The following SUFU variants were observed in gnomAD, a reference collection of about 807,000 sequenced individuals.
The protein encoded by SUFU is SUFU negative regulator of hedgehog signaling, also known as suppressor of fused homolog.
Under a neutral mutation model 58.9 loss-of-function variants are expected in SUFU, and 7 were observed. The ratio of observed to expected loss-of-function variants is 0.12; its 90% CI spans 0.07 to 0.22. The LOEUF is 0.22. Among genes scored for constraint, SUFU ranks in the 10% least tolerant of loss-of-function variants. The probability of loss-of-function intolerance (pLI) is 1.00; values close to 1 mark genes in which losing one functional copy is unlikely to be tolerated. For missense variants in SUFU, 451 were observed against 641.3 expected (o/e 0.70, Z 3.20); for synonymous variants, 232 against 254.8 (o/e 0.91, Z 0.85).
intron 11 of SUFU, among the ~76,000 whole-genome samples, chr10:102,627,507 G>A (rs1019771801): frequency 3.3e-5 from 5 of 152,220 alleles, no homozygotes; most frequent in African/African-American, 1.2e-4. Flanking sequence ...CCAGCAAATC[G>A]TCTGAATTGC....
At chr10:102,507,078 A>G (rs530746266) in intron 1 of SUFU, among the ~76,000 whole-genome samples, 19 of 152,298 alleles carry the variant, frequency 1.2e-4, no homozygotes, top group African/African-American at 4.6e-4. Context: ...ATTTTTTTCC[A>G]CATACTCATC....
intron 2 of SUFU, among the ~76,000 whole-genome samples, chr10:102,515,310 C>G (rs904234863): frequency 6.7e-6 from 1 of 148,628 alleles, no homozygotes; most frequent in South Asian, 2.1e-4. Flanking sequence ...CTTAGTTTGC[C>G]GGAACTTTTT....
chr10:102,547,592 C>T (rs1040500661), intron 2 of SUFU, among the ~76,000 whole-genome samples: 5 of 152,032 alleles, frequency 3.3e-5, no homozygotes, highest in Admixed American at 6.6e-5. Context: ...GAGGCCAAGG[C>T]GGGAGGATTA....
chr10:102,581,411 C>T (rs1333767194), intron 3 of SUFU, among the ~76,000 whole-genome samples: 2 of 152,126 alleles, frequency 1.3e-5, no homozygotes, highest in Non-Finnish European at 2.9e-5. Flanking sequence ...AGATTTTCTC[C>T]TCCTCTCACT....
At chr10:102,591,482 G>A (rs1248737491) in intron 3 of SUFU, 3 of 140,930 alleles carry the variant, frequency 2.1e-5, no homozygotes, top group African/African-American at 5.4e-5. Context: ...CCTGGCAACA[G>A]AGCGAGACTC....
At chr10:102,610,343 A>G (rs909756256) in intron 8 of SUFU, among the ~76,000 whole-genome samples, 2 of 149,122 alleles carry the variant, frequency 1.3e-5, no homozygotes, top group African/African-American at 5.0e-5. Flanking sequence ...CAGTGAGCCG[A>G]GATCACACCA....
Position 102,617,732 on chromosome 10 carries a change from AC to A in SUFU, c.1296+305del. ...GAAATCCAGGTTGGAGGGATATAAG[AC>A]TTTCTGCACCTTGGGTAAACCAAGG... On this transcript the variant is annotated intron_variant, in intron 10 of 11. Transcript: ENST00000369902. The surrounding 1 kb of genome is among the most constrained non-coding windows in gnomAD (Gnocchi z 4.4). 1.7e-6 allele frequency: 1 copy of A among 579,396 alleles called. No individual in the cohort carries two copies. The highest frequency in any genetic ancestry group is 2.4e-5 in the South Asian group (1 of 42,370). The allele number at this position is 579,396 out of a possible 1,614,324, so 35.9% of individuals were successfully genotyped here. A position where few individuals can be genotyped will look rare whatever the true frequency, so the allele number is the denominator to read the frequency against.
intron 9 of SUFU, among the ~76,000 whole-genome samples, chr10:102,616,929 C>G (rs2063692694): frequency 6.6e-6 from 1 of 152,204 alleles, no homozygotes; most frequent in Admixed American, 6.5e-5. Flanking sequence ...GATGTGACCC[C>G]CCTCTTACCT....
intron 2 of SUFU, among the ~76,000 whole-genome samples, chr10:102,534,785 A>G (rs1488279962): frequency 6.6e-6 from 1 of 152,194 alleles, no homozygotes; most frequent in Non-Finnish European, 1.5e-5. Context: ...GAGAGATTGT[A>G]GAGAAGCTGC....
At chr10:102,522,551 G>A (rs2135671099) in intron 2 of SUFU, among the ~76,000 whole-genome samples, 1 of 152,304 alleles carries the variant, frequency 6.6e-6, no homozygotes, top group Middle Eastern at 3.4e-3. Flanking sequence ...AAGCACAAAT[G>A]CCTAGAGCTC....
intron 1 of SUFU, among the ~76,000 whole-genome samples, chr10:102,504,719 G>A (rs1168426574): frequency 2.0e-5 from 3 of 151,610 alleles, no homozygotes; most frequent in Non-Finnish European, 2.9e-5. Context: ...AGGCGAGGCG[G>A]GGCCTGGGGA....
intron 2 of SUFU, among the ~76,000 whole-genome samples, chr10:102,537,126 T>C (rs1015332163): frequency 3.4e-5 from 5 of 146,150 alleles, no homozygotes; most frequent in Non-Finnish European, 7.5e-5. Context: ...AATTTAAATT[T>C]ACCTTTTTTT....
chr10:102,617,589 TG>T lies in SUFU; in HGVS notation c.1296+163del. On this transcript the variant is annotated intron_variant, in intron 10 of 11. Coordinates refer to ENST00000369902, the MANE Select transcript of SUFU (RefSeq NM_016169.4). The surrounding 1 kb of genome is among the most constrained non-coding windows in gnomAD (Gnocchi z 4.4). ...GGGGCCTGTGTGTAGGTATGGAGTG[TG>T]GATGCTGCTACCCACTCCAGCAGCT... is the stretch of plus-strand genomic sequence containing the variant. 2.2e-6 allele frequency: 2 copies of T among 925,952 alleles called. No individual in the cohort carries two copies. Among genetic ancestry groups the T allele is most frequent in the Non-Finnish European group, 3.3e-6 (2 of 597,766 alleles). The allele number at this position is 925,952 out of a possible 1,614,324, so 57.4% of individuals were successfully genotyped here. A position where few individuals can be genotyped will look rare whatever the true frequency, so the allele number is the denominator to read the frequency against.
At chr10:102,535,625 C>T (rs61871067) in intron 2 of SUFU, among the ~76,000 whole-genome samples, 34,248 of 152,034 alleles carry the variant, frequency 0.23, 4,872 homozygotes, top group Non-Finnish European at 0.3. Context: ...GCACATGGTC[C>T]CCTCTTCCCT....
At chr10:102,518,603 C>A (rs1158852292) in intron 2 of SUFU, among the ~76,000 whole-genome samples, 1 of 151,834 alleles carries the variant, frequency 6.6e-6, no homozygotes, top group Non-Finnish European at 1.5e-5. Context: ...CTGGAGTGCA[C>A]TGGCTCCATC....
chr10:102,624,897 A>G (rs2063772349), intron 10 of SUFU, among the ~76,000 whole-genome samples: 1 of 152,080 alleles, frequency 6.6e-6, no homozygotes, highest in Non-Finnish European at 1.5e-5. Flanking sequence ...AGCACTTGTT[A>G]TAGTCCCACA....
chr10:102,515,824 G>A (rs967674445), intron 2 of SUFU, among the ~76,000 whole-genome samples: 1 of 152,116 alleles, frequency 6.6e-6, no homozygotes, highest in East Asian at 1.9e-4. Flanking sequence ...AGGCTCATTG[G>A]GGGGCACACC....
chr10:102,570,328 G>A (rs541554367), intron 3 of SUFU, among the ~76,000 whole-genome samples: 81 of 151,914 alleles, frequency 5.3e-4, no homozygotes, highest in Non-Finnish European at 8.8e-4. Flanking sequence ...TGCAACCTCC[G>A]CCTCCCAGGT....
At position 102,504,048 on chromosome 10, in the gene SUFU, A is replaced by G. The variant is rs1242531175; in HGVS notation, c.-105A>G. 3 of 1,414,940 alleles carry G rather than the reference A, an allele frequency of 2.1e-6. No homozygotes were observed. The highest frequency in any genetic ancestry group is 2.8e-6 in the Non-Finnish European group (3 of 1,076,968). 87.6% of individuals were successfully genotyped at this position (1,414,940 alleles called of 1,614,324 possible). Reference sequence around the variant, plus strand: ...GGAGCTAGACCTCGCTGCAGCCCCCATCGCCTCGGGGAGTCTCACCCACCG... The same window carrying G: ...GGAGCTAGACCTCGCTGCAGCCCCCGTCGCCTCGGGGAGTCTCACCCACCG... On this transcript the variant is annotated 5_prime_UTR_variant, in exon 1 of 12. Transcript: ENST00000369902.
Sources: allele counts gnomAD v4.1 joint callset (sites outside exome capture counted in the v4.1 genomes callset), GRCh38; gene constraint gnomAD v4.1.1; non-coding constraint Gnocchi (gnomAD v3.1); transcripts MANE v1.5; gene names NCBI Gene and HGNC (gene_info 2026-07-23, HGNC 2026-07-21).